Variants in CREM observed in about 807,000 individuals in gnomAD.
CREM encodes the protein cAMP responsive element modulator, also known as cAMP-responsive element modulator.
A neutral mutation model predicts 37.3 loss-of-function variants in CREM; 13 were observed. That is an observed-to-expected ratio of 0.35 (90% confidence interval 0.23 to 0.55). CREM has a LOEUF of 0.55. CREM is among the 20% of genes least tolerant of loss of function. The pLI, the probability that CREM is intolerant of heterozygous loss-of-function variation, is 0.88. For synonymous variants in CREM, 124 were observed against 120.2 expected (o/e 1.03, Z -0.21); for missense variants, 296 against 362.3 (o/e 0.82, Z 1.49).
chr10:35,147,075 G>C (rs1225899707), intron 2 of CREM, among the ~76,000 whole-genome samples: 1 of 138,370 alleles, frequency 7.2e-6, no homozygotes, highest in African/African-American at 2.7e-5. Context: ...TTTTAAGACG[G>C]AGTCTCGCTC....
intron 3 of CREM, among the ~76,000 whole-genome samples, chr10:35,152,113 G>A (rs188102599): frequency 9.8e-4 from 150 of 152,288 alleles, no homozygotes; most frequent in African/African-American, 3.4e-3. Flanking sequence ...TTTAAACTTA[G>A]TTGTGAATAA....
chr10:35,183,547 C>T (rs1176084512), intron 5 of CREM, among the ~76,000 whole-genome samples: 7 of 152,132 alleles, frequency 4.6e-5, no homozygotes, highest in Non-Finnish European at 8.8e-5. Flanking sequence ...CTATAATGCA[C>T]CTCTTGGCTT....
rs542047803 is a variant in CREM at position 35,195,943 on chromosome 10, C to G, written c.598+7555C>G. On this transcript the variant is annotated intron_variant, in intron 6 of 7. Coordinates refer to ENST00000685392, the MANE Select transcript of CREM (RefSeq NM_183011.2). ...AGATTTAGAGTTAACTAGCTCACCA[C>G]TGCCTCTGCCTCCAAGCTGCCTTTT... is the stretch of plus-strand genomic sequence containing the variant. 3 of 956,586 alleles carry G rather than the reference C, an allele frequency of 3.1e-6. No individual in the cohort carries two copies. The Admixed American group carries it at 6.2e-5, about 20-fold the overall frequency. 59.3% of individuals were successfully genotyped at this position (956,586 alleles called of 1,614,324 possible).
intron 3 of CREM, among the ~76,000 whole-genome samples, chr10:35,169,790 T>G (rs910539246): frequency 6.6e-5 from 10 of 151,900 alleles, no homozygotes; most frequent in African/African-American, 2.4e-4. Context: ...TTATTGAGAG[T>G]TTTTAGCATG....
chr10:35,146,217 C>G (rs559046869), intron 2 of CREM, among the ~76,000 whole-genome samples: 1 of 152,306 alleles, frequency 6.6e-6, no homozygotes, highest in South Asian at 2.1e-4. Context: ...AAGGTTTTGC[C>G]TTTCAAAGGT....
chr10:35,211,950 G>T lies in CREM; in HGVS notation c.*552G>T. The T allele has an allele frequency of 1.3e-6, 1 of 780,400 alleles. No homozygotes were observed. The highest frequency in any genetic ancestry group is 1.8e-6 in the Non-Finnish European group (1 of 541,326). 48.3% of individuals were successfully genotyped at this position (780,400 alleles called of 1,614,324 possible). A position where few individuals can be genotyped will look rare whatever the true frequency, so the allele number is the denominator to read the frequency against. ...ACATTCCTAAAATGCTTCACTGTACGTAGTTAAGTCGTAGCTATAACTTCA... is the reference window on the plus strand; with the variant it reads ...ACATTCCTAAAATGCTTCACTGTACTTAGTTAAGTCGTAGCTATAACTTCA... On this transcript the variant is annotated 3_prime_UTR_variant, in exon 8 of 8. Transcript: ENST00000685392.
intron 6 of CREM, among the ~76,000 whole-genome samples, chr10:35,192,416 T>C (rs1288872721): frequency 1.3e-5 from 2 of 152,214 alleles, no homozygotes; most frequent in African/African-American, 2.4e-5. Flanking sequence ...TGATGTGATC[T>C]TAGCTCACTG....
In CREM at chr10:35,191,292, A is replaced by C. The variant is rs905613877; in HGVS notation, c.598+2904A>C. Among the ~76,000 whole-genome samples the C allele has an allele frequency of 4.6e-5, 7 of 152,008 alleles. 1 individual carries two copies. The highest frequency in any genetic ancestry group is 8.8e-5 in the Non-Finnish European group (6 of 68,020). ...ACGGATTATTTTAAGTCGATCTTTTATCTATTAACTTTGCTGAACTCTAAT... is the reference window on the plus strand; with the variant it reads ...ACGGATTATTTTAAGTCGATCTTTTCTCTATTAACTTTGCTGAACTCTAAT... On this transcript the variant is annotated intron_variant, in intron 6 of 7. Coordinates refer to ENST00000685392, the MANE Select transcript of CREM (RefSeq NM_183011.2).
intron 6 of CREM, chr10:35,195,253 G>T: frequency 6.2e-7 from 1 of 1,612,420 alleles, no homozygotes; most frequent in Non-Finnish European, 8.5e-7. Flanking sequence ...TAATTGTGCA[G>T]ATTGTTTTGA....
intron 3 of CREM, among the ~76,000 whole-genome samples, chr10:35,163,985 AAAC>A (rs2093419080): frequency 1.3e-5 from 2 of 152,034 alleles, no homozygotes; most frequent in African/African-American, 4.8e-5. Context: ...AAAAAAAAAA[AAAC>A]AAAAAAAGAG....
At chr10:35,185,033 C>CCATTCATTCATTCATT (rs34576035) in intron 5 of CREM, among the ~76,000 whole-genome samples, 2 of 148,970 alleles carry the variant, frequency 1.3e-5, no homozygotes, top group African/African-American at 2.5e-5. Flanking sequence ...GAAATGATAG[C>CCATTCATTCATTCATT]CATTCATTCA....
At chr10:35,137,583 G>A (rs886419496) in intron 1 of CREM, among the ~76,000 whole-genome samples, 199 bp from the exon 2 acceptor site, 10 of 152,070 alleles carry the variant, frequency 6.6e-5, no homozygotes, top group Non-Finnish European at 1.0e-4. Context: ...ACAAAAAACC[G>A]TACAGGGCTG....
intron 5 of CREM, chr10:35,179,494 T>C: frequency 2.1e-6 from 1 of 475,108 alleles, no homozygotes; most frequent in Non-Finnish European, 3.4e-6. Context: ...CTGCCGAATA[T>C]AGAAGAAAAT....
At chr10:35,149,553 A>C (rs1210770598) in intron 3 of CREM, among the ~76,000 whole-genome samples, 1 of 152,176 alleles carries the variant, frequency 6.6e-6, no homozygotes, top group Non-Finnish European at 1.5e-5. Context: ...GGAACTGAAG[A>C]CACCATCAGG....
intron 1 of CREM, among the ~76,000 whole-genome samples, chr10:35,129,486 G>C (rs2088877644): frequency 1.3e-5 from 2 of 152,174 alleles, no homozygotes; most frequent in Non-Finnish European, 2.9e-5. Context: ...AATCCTGACT[G>C]AATCTTTACC....
intron 1 of CREM, among the ~76,000 whole-genome samples, chr10:35,135,859 AG>A (rs2090423877): frequency 6.6e-6 from 1 of 152,012 alleles, no homozygotes; most frequent in South Asian, 2.1e-4. Context: ...TTTCAAATAG[AG>A]GGGGAAATGC....
intron 3 of CREM, among the ~76,000 whole-genome samples, chr10:35,153,617 T>C (rs868157067): frequency 1.3e-5 from 2 of 152,150 alleles, no homozygotes; most frequent in Non-Finnish European, 2.9e-5. Flanking sequence ...GTGGAAAGGA[T>C]GTACCTTAAA....
intron 7 of CREM, 87 bp from the exon 8 acceptor site, chr10:35,211,167 T>C (rs907089283): frequency 6.9e-7 from 1 of 1,458,884 alleles, no homozygotes; most frequent in Non-Finnish European, 9.3e-7. Context: ...GATTGGCTGT[T>C]GAGTTCGGGG....
At chr10:35,147,196 G>A (rs1369616607) in intron 2 of CREM, among the ~76,000 whole-genome samples, 6 of 151,632 alleles carry the variant, frequency 4.0e-5, no homozygotes, top group South Asian at 2.1e-4. Context: ...GACTACAGGC[G>A]CCTACCACGG....
Sources: allele counts gnomAD v4.1 joint callset (sites outside exome capture counted in the v4.1 genomes callset), GRCh38; gene constraint gnomAD v4.1.1; transcripts MANE v1.5; gene names NCBI Gene and HGNC (gene_info 2026-07-23, HGNC 2026-07-21).